Variants in NOTUM observed in about 807,000 individuals in gnomAD.
NOTUM encodes notum, palmitoleoyl-protein carboxylesterase.
In NOTUM, 36 loss-of-function variants were observed where a neutral mutation model predicts 65.5. The ratio of observed to expected loss-of-function variants is 0.55; its 90% CI spans 0.42 to 0.73. NOTUM has a LOEUF of 0.73. Among genes scored for constraint, NOTUM ranks in the 30% least tolerant of loss-of-function variants. The pLI, the probability that NOTUM is intolerant of heterozygous loss-of-function variation, is 0.00. For synonymous variants in NOTUM, 356 were observed against 297.9 expected (o/e 1.20, Z -2.01); for missense variants, 659 against 694.2 (o/e 0.95, Z 0.57).
Position 81,958,316 on chromosome 17 carries a change from TG to T in NOTUM, c.592+18del. 6.3e-7 allele frequency: 1 copy of T among 1,579,684 alleles called. No individual in the cohort carries two copies. The highest frequency in any genetic ancestry group is 8.7e-7 in the Non-Finnish European group (1 of 1,150,732). On this transcript the variant is annotated intron_variant, in intron 5 of 10. Transcript: ENST00000409678. ...GCCCCGTCCCTGCCCTGCCATGCCCTGGGAAGGCCGAGACTCACTCTTCTCA... is the reference window on the plus strand; with the variant it reads ...GCCCCGTCCCTGCCCTGCCATGCCCTGGAAGGCCGAGACTCACTCTTCTCA...
rs1339238692 is a variant in NOTUM, at chr17:81,961,015, C to T, written c.-106G>A. 4.5e-6 allele frequency: 2 copies of T among 441,650 alleles called. No individual in the cohort carries two copies. Among genetic ancestry groups the T allele is most frequent in the South Asian group, 1.9e-4 (2 of 10,358 alleles). 27.4% of individuals were successfully genotyped at this position (441,650 alleles called of 1,614,324 possible). A position where few individuals can be genotyped will look rare whatever the true frequency, so the allele number is the denominator to read the frequency against. On this transcript the variant is annotated 5_prime_UTR_variant, in exon 1 of 11. Transcript: ENST00000409678. The stretch of plus-strand genomic sequence containing the variant: ...CCGGGGGTGTCGGGGGCACTGGCCG[C>T]TCCTGCTCCCTCGCCCCCGCTCCCG...
At chr17:81,959,317 G>A (rs954192359) in intron 3 of NOTUM, 154 bp downstream of exon 3, 19 of 641,736 alleles carry the variant, frequency 3.0e-5, no homozygotes, top group African/African-American at 1.3e-4. Context: ...GGCCCCAAAA[G>A]GCAAGAGTGA....
chr17:81,959,060 C>T, intron 3 of NOTUM, 65 bp from the exon 4 acceptor site: 5 of 1,409,870 alleles, frequency 3.5e-6, no homozygotes, highest in South Asian at 1.2e-5. Flanking sequence ...GGTCTGGGAA[C>T]CCTGGTGAGG....
Position 81,960,942 on chromosome 17 carries a change from T to G in NOTUM, c.-33A>C, listed in dbSNP as rs1490392359. On this transcript the variant is annotated 5_prime_UTR_variant, in exon 1 of 11. Coordinates refer to ENST00000409678, the MANE Select transcript of NOTUM (RefSeq NM_178493.6). The surrounding 1 kb of genome is among the most constrained non-coding windows in gnomAD (Gnocchi z 6.4). ...TCCACCTGCGGGGAGCGGGCGGCCT[T>G]GAGGCGGCGGCGGCGGCGGCGGGGG... 27 of 1,187,682 alleles carry G rather than the reference T, an allele frequency of 2.3e-5. No homozygotes were observed. The highest frequency in any genetic ancestry group is 2.8e-5 in the Non-Finnish European group (27 of 956,894). 73.6% of individuals were successfully genotyped at this position (1,187,682 alleles called of 1,614,324 possible).
At chr17:81,956,408 C>A (rs779333568) in intron 8 of NOTUM, among the ~76,000 whole-genome samples, 19 of 152,076 alleles carry the variant, frequency 1.2e-4, no homozygotes, top group Non-Finnish European at 8.8e-5. Flanking sequence ...GCAGGCAAGT[C>A]CCAGGCATGC....
At chr17:81,954,780 A>G (rs540461780) in intron 9 of NOTUM, among the ~76,000 whole-genome samples, 3 of 151,974 alleles carry the variant, frequency 2.0e-5, no homozygotes, top group African/African-American at 7.2e-5. Flanking sequence ...CCATGCCTGG[A>G]TAATTTCTGT....
Position 81,955,564 on chromosome 17 carries a change from G to A in NOTUM, c.989-20C>T, listed in dbSNP as rs1329528203. The A allele has an allele frequency of 8.7e-6, 14 of 1,604,024 alleles. No homozygotes were observed. The highest frequency in any genetic ancestry group is 1.2e-5 in the Non-Finnish European group (14 of 1,175,474). On this transcript the variant is annotated intron_variant, in intron 8 of 10. Coordinates refer to ENST00000409678, the MANE Select transcript of NOTUM (RefSeq NM_178493.6). ...CAGGGCCTGCGGGCGGCGGGGCTCAGTTCGGCCTCCCCTGACCCCCGCTGC... is the reference window on the plus strand; with the variant it reads ...CAGGGCCTGCGGGCGGCGGGGCTCAATTCGGCCTCCCCTGACCCCCGCTGC...
At position 81,960,481 on chromosome 17, in the gene NOTUM, G is replaced by A; in HGVS notation, c.323+106C>T. On this transcript the variant is annotated intron_variant, in intron 1 of 10. Transcript: ENST00000409678. The surrounding 1 kb of genome is among the most constrained non-coding windows in gnomAD (Gnocchi z 6.4). Reference sequence around the variant, plus strand: ...GGCCAGGACCGCGGGGCGCCCGACGGAAGCCCTTTCTCCCCGGGGAGAGAA... The same window carrying A: ...GGCCAGGACCGCGGGGCGCCCGACGAAAGCCCTTTCTCCCCGGGGAGAGAA... The A allele has an allele frequency of 1.3e-6, 1 of 787,448 alleles. No homozygotes were observed. Among genetic ancestry groups the A allele is most frequent in the Non-Finnish European group, 1.9e-6 (1 of 530,594 alleles). 48.8% of individuals were successfully genotyped at this position (787,448 alleles called of 1,614,324 possible). A position where few individuals can be genotyped will look rare whatever the true frequency, so the allele number is the denominator to read the frequency against.
At chr17:81,954,954 T>TCTCTCC (rs1555625495) in intron 9 of NOTUM, among the ~76,000 whole-genome samples, 1 of 45,632 alleles carries the variant, frequency 2.2e-5, no homozygotes, top group Non-Finnish European at 6.3e-5. Context: ...TCTCTCTCTC[T>TCTCTCC]CTCTCCTCTC....
rs969377233 is a variant in NOTUM at position 81,952,805 on chromosome 17, A to G, written c.*156T>C. 3 of 659,898 alleles carry G rather than the reference A, an allele frequency of 4.5e-6. No individual in the cohort carries two copies. Among genetic ancestry groups the G allele is most frequent in the Non-Finnish European group, 7.9e-6 (3 of 380,016 alleles). The allele number at this position is 659,898 out of a possible 1,614,324, so 40.9% of individuals were successfully genotyped here. A position where few individuals can be genotyped will look rare whatever the true frequency, so the allele number is the denominator to read the frequency against. ...TGGGCTGTGGGAGAGGGGCAGGGAA[A>G]GCCGGGGCAGGAGGGCAGTGGGCAG... is the stretch of plus-strand genomic sequence containing the variant. On this transcript the variant is annotated 3_prime_UTR_variant, in exon 11 of 11. Transcript: ENST00000409678.
Position 81,956,681 on chromosome 17 carries a change from G to A in NOTUM, c.957C>T (p.Phe319=), listed in dbSNP as rs910521226. 1.2e-6 allele frequency: 2 copies of A among 1,612,960 alleles called. No homozygotes were observed. The highest frequency in any genetic ancestry group is 1.1e-5 in the South Asian group (1 of 91,072). ...QFQEGEEWNC[F]FGYKVYPTLR... is the part of the protein sequence containing the mutation. ...GGGTCGGGTAGACCTTGTAGCCAAA[G>A]AAGCAGTTCCACTCCTCGCCCTCCT... The change falls in exon 8 of 11, where the codon TTC becomes TTT. Residue 319 remains phenylalanine, a synonymous_variant. Coordinates refer to ENST00000409678, the MANE Select transcript of NOTUM (RefSeq NM_178493.6).
At position 81,960,807 on chromosome 17, in the gene NOTUM, G is replaced by A. The variant is rs746150888; in HGVS notation, c.103C>T (p.Pro35Ser). The change falls in exon 1 of 11, where the codon CCT (proline) becomes TCT (serine). Residue 35 changes from proline (P) to serine (S), a missense_variant. Coordinates refer to ENST00000409678, the MANE Select transcript of NOTUM (RefSeq NM_178493.6). This position sits in a 1 kb window ranked among gnomAD's most constrained non-coding sequence, Gnocchi z 6.4. ...TWRRRGQQPPPPPRTEAAPAA... is the reference protein window; with the variant it reads ...TWRRRGQQPPSPPRTEAAPAA... ...GGCGCCGCCTCGGTCCGCGGGGGAG[G>A]AGGCGGCTGCTGACCCCGGCGCCGC... The A allele has an allele frequency of 5.3e-5, 81 of 1,542,296 alleles. No homozygotes were observed. The Middle Eastern group carries it at 8.2e-4, about 16-fold the overall frequency.
Position 81,955,533 on chromosome 17 carries a change from C to T in NOTUM, c.1000G>A (p.Val334Met), listed in dbSNP as rs1462215114. The T allele has an allele frequency of 1.4e-5, 23 of 1,610,664 alleles. No homozygotes were observed. Among genetic ancestry groups the T allele is most frequent in the Non-Finnish European group, 2.0e-5 (23 of 1,178,952 alleles). Residue 334 changes from valine to methionine, a missense_variant, in exon 9 of 11, where the codon GTG becomes ATG. Physicochemically the swap from Val to Met is conservative, Grantham distance 21. Transcript: ENST00000409678. The stretch of plus-strand genomic sequence containing the variant: ...GCCTCGTCAAACAGCCACTGCACCA[C>T]GAACACAGGGCCTGCGGGCGGCGGG... ...VYPTLRCPVF[V>M]VQWLFDEAQL...
In NOTUM at chr17:81,952,901, G is replaced by T; in HGVS notation, c.*60C>A. On this transcript the variant is annotated 3_prime_UTR_variant, in exon 11 of 11. Transcript: ENST00000409678. ...AGGGCCTGCTGGTGGGGGGTGAGGT[G>T]GCACTGGGGCAGCGGGTGTCTGGGC... 1.4e-6 allele frequency: 2 copies of T among 1,441,566 alleles called. No individual in the cohort carries two copies. Among genetic ancestry groups the T allele is most frequent in the Non-Finnish European group, 1.9e-6 (2 of 1,033,088 alleles). The allele number at this position is 1,441,566 out of a possible 1,614,324, so 89.3% of individuals were successfully genotyped here. A position where few individuals can be genotyped will look rare whatever the true frequency, so the allele number is the denominator to read the frequency against.
Position 81,960,826 on chromosome 17 carries a change from G to A in NOTUM, c.84C>T (p.Arg28=), listed in dbSNP as rs2041470430. 1 of 1,524,426 alleles carries A rather than the reference G, an allele frequency of 6.6e-7. No homozygotes were observed. Among genetic ancestry groups the A allele is most frequent in the Non-Finnish European group, 8.8e-7 (1 of 1,138,374 alleles). 94.4% of individuals were successfully genotyped at this position (1,524,426 alleles called of 1,614,324 possible). A position where few individuals can be genotyped will look rare whatever the true frequency, so the allele number is the denominator to read the frequency against. The stretch of plus-strand genomic sequence containing the variant: ...GGGGAGGAGGCGGCTGCTGACCCCG[G>A]CGCCGCCAGGTCTTCCTGCCCTCGC... The part of the protein sequence containing the change: ...GGSEGRKTWR[R]RGQQPPPPPR... The change falls in exon 1 of 11, where the codon CGC becomes CGT. Residue 28 remains arginine, a synonymous_variant. Coordinates refer to ENST00000409678, the MANE Select transcript of NOTUM (RefSeq NM_178493.6). The surrounding 1 kb of genome is among the most constrained non-coding windows in gnomAD (Gnocchi z 6.4).
intron 3 of NOTUM, 190 bp from the exon 4 acceptor site, chr17:81,959,185 A>G: frequency 1.6e-6 from 1 of 626,882 alleles, no homozygotes; most frequent in Non-Finnish European, 2.8e-6. Flanking sequence ...GGAAGCCACC[A>G]TGGCCACGGT....
chr17:81,959,484 C>T lies in NOTUM; in HGVS notation c.459G>A (p.Pro153=), dbSNP rs2041457802. The change falls in exon 3 of 11, where the codon CCG becomes CCA. Residue 153 remains proline, a synonymous_variant. Transcript: ENST00000409678. ...CCCGCCGCTGACCTGTGCGAGTGCG[C>T]GGCCAGTCCCGGGAGCTCATGAGGC... ...MRRLMSSRDW[P]RTRTGTGILS... is the part of the protein sequence containing the mutation. 1.3e-6 allele frequency: 2 copies of T among 1,547,504 alleles called. No individual in the cohort carries two copies. Among genetic ancestry groups the T allele is most frequent in the African/African-American group, 1.4e-5 (1 of 72,940 alleles).
At chr17:81,955,915 C>T (rs1409491008) in intron 8 of NOTUM, among the ~76,000 whole-genome samples, 2 of 147,130 alleles carry the variant, frequency 1.4e-5, no homozygotes, top group Non-Finnish European at 3.0e-5. Context: ...CAGGTCCCCG[C>T]TGCTGCCCCC....
intron 10 of NOTUM, 27 bp downstream of exon 10, chr17:81,954,229 C>T: frequency 1.3e-6 from 2 of 1,583,438 alleles, no homozygotes; most frequent in Non-Finnish European, 1.7e-6. Context: ...GTCATGGACG[C>T]AAGCTGCCCG....
Sources: gnomAD v4.1 joint callset for allele counts (sites outside exome capture counted in the v4.1 genomes callset) on GRCh38, gnomAD v4.1.1 for gene constraint, Gnocchi (gnomAD v3.1) non-coding constraint, MANE v1.5 for transcripts, NCBI Gene and HGNC (gene_info 2026-07-23, HGNC 2026-07-21) for gene names.